FSTL5: variants seen among roughly 807,000 people sequenced by gnomAD.
FSTL5 encodes the protein follistatin-related protein 5.
In FSTL5, 62 loss-of-function variants were observed where a neutral mutation model predicts 89.1. The observed-to-expected ratio is 0.70, with a 90% CI of 0.57 to 0.86. The LOEUF (loss-of-function observed/expected upper bound fraction) is 0.86, where lower values mean the gene tolerates loss of function less well. FSTL5 is among the 40% of genes least tolerant of loss of function. The pLI, the probability that FSTL5 is intolerant of heterozygous loss-of-function variation, is 0.00. For synonymous variants in FSTL5, 383 were observed against 346.2 expected, an observed-to-expected ratio of 1.11 and a Z score of -1.18; for missense variants, 1,057 against 1,001.6, an observed-to-expected ratio of 1.06 and a Z score of -0.75.
chr4:161,888,166 G>A (rs1732874190), intron 4 of FSTL5, among the ~76,000 whole-genome samples: 1 of 152,148 alleles, frequency 6.6e-6, no homozygotes, highest in African/African-American at 2.4e-5. Context: ...AAACTAGACT[G>A]CATTTCCCAG....
intron 4 of FSTL5, among the ~76,000 whole-genome samples, chr4:161,854,874 T>C (rs1402821231): frequency 1.3e-5 from 2 of 152,024 alleles, no homozygotes; most frequent in Non-Finnish European, 2.9e-5. Flanking sequence ...ATTAAAAAGA[T>C]TTTAATAATG....
intron 7 of FSTL5, among the ~76,000 whole-genome samples, chr4:161,619,156 G>T (rs1161943931): frequency 6.6e-6 from 1 of 152,124 alleles, no homozygotes; most frequent in Non-Finnish European, 1.5e-5. Flanking sequence ...GCTGAAACTG[G>T]ATCCCATCCT....
chr4:162,100,923 C>T (rs376176661), intron 2 of FSTL5, among the ~76,000 whole-genome samples: 3 of 152,182 alleles, frequency 2.0e-5, no homozygotes, highest in South Asian at 2.1e-4. Context: ...TGATAACATA[C>T]GAGAGCACGA....
chr4:162,128,012 A>T (rs1732150520), intron 1 of FSTL5, among the ~76,000 whole-genome samples: 1 of 152,204 alleles, frequency 6.6e-6, no homozygotes, highest in South Asian at 2.1e-4. Flanking sequence ...CCAAATAGTT[A>T]ATATGCTAAA....
chr4:161,887,892 A>T (rs1732865198), intron 4 of FSTL5, among the ~76,000 whole-genome samples: 1 of 152,182 alleles, frequency 6.6e-6, no homozygotes, highest in South Asian at 2.1e-4. Flanking sequence ...TTGCCAAGCA[A>T]ATCAGGATTC....
intron 15 of FSTL5, among the ~76,000 whole-genome samples, chr4:161,399,252 CTT>C (rs1004267546): frequency 2.0e-5 from 3 of 152,044 alleles, no homozygotes; most frequent in African/African-American, 4.8e-5. Context: ...CTGCTCATAA[CTT>C]TTCACTCCCC....
chr4:161,646,300 CACTTTA>C (rs981193071), intron 7 of FSTL5, among the ~76,000 whole-genome samples: 4 of 149,462 alleles, frequency 2.7e-5, no homozygotes, highest in South Asian at 2.1e-4. Context: ...CATGTGTATA[CACTTTA>C]ACTTTATACT....
chr4:162,018,557 T>C (rs57706025), intron 3 of FSTL5, among the ~76,000 whole-genome samples: 57,873 of 151,816 alleles, frequency 0.38, 11,262 homozygotes, highest in Middle Eastern at 0.54. Flanking sequence ...CTTTCTTCCT[T>C]CACCATTGTT....
chr4:162,000,928 C>A (rs1736445864), intron 3 of FSTL5, among the ~76,000 whole-genome samples: 1 of 151,986 alleles, frequency 6.6e-6, no homozygotes, highest in South Asian at 2.1e-4. Flanking sequence ...GAAAATTTGC[C>A]AAGGTATTAA....
intron 7 of FSTL5, among the ~76,000 whole-genome samples, chr4:161,592,717 A>G (rs1733867048): frequency 6.6e-6 from 1 of 152,186 alleles, no homozygotes; most frequent in Non-Finnish European, 1.5e-5. Context: ...TATTGTGAAT[A>G]GTGCTGCAAT....
chr4:161,830,911 G>C (rs1730823826), intron 4 of FSTL5, among the ~76,000 whole-genome samples: 1 of 152,080 alleles, frequency 6.6e-6, no homozygotes, highest in African/African-American at 2.4e-5. Context: ...ATAGGATTCT[G>C]CATTGTTATT....
At chr4:161,642,218 G>A (rs920786840) in intron 7 of FSTL5, among the ~76,000 whole-genome samples, 3 of 152,032 alleles carry the variant, frequency 2.0e-5, no homozygotes, top group Non-Finnish European at 4.4e-5. Context: ...TAAATTTTGC[G>A]AAGACACTCT....
intron 3 of FSTL5, among the ~76,000 whole-genome samples, chr4:161,946,405 T>C (rs935000074): frequency 6.6e-6 from 1 of 152,206 alleles, no homozygotes. Flanking sequence ...ATAATTATGT[T>C]TGCCATTATA....
intron 4 of FSTL5, among the ~76,000 whole-genome samples, chr4:161,829,218 C>A (rs987647066): frequency 1.4e-5 from 2 of 147,058 alleles, no homozygotes; most frequent in African/African-American, 2.5e-5. Flanking sequence ...TAAATACATT[C>A]ATCTGAGTGT....
chr4:161,654,835 C>G lies in FSTL5; in HGVS notation c.894+1493G>C, dbSNP rs115174698. Among the ~76,000 whole-genome samples the G allele has an allele frequency of 9.1e-3, 1,386 of 152,162 alleles. 22 individuals are homozygous for G. Among genetic ancestry groups the G allele is most frequent in the African/African-American group, 0.031 (1,305 of 41,550 alleles). On this transcript the variant is annotated intron_variant, in intron 7 of 15. Coordinates refer to ENST00000306100, the MANE Select transcript of FSTL5 (RefSeq NM_020116.5). ...GCCCCACCTCATTTCCACAGATACC[C>G]CATAAGCACACAATTTTTACTTTTC... is the stretch of plus-strand genomic sequence containing the variant.
intron 6 of FSTL5, among the ~76,000 whole-genome samples, chr4:161,713,167 A>G (rs989331271): frequency 2.0e-5 from 3 of 152,212 alleles, no homozygotes; most frequent in African/African-American, 7.2e-5. Context: ...ATTTAAATGA[A>G]TGTCTCCTTT....
intron 10 of FSTL5, among the ~76,000 whole-genome samples, chr4:161,522,795 G>C (rs1380366155): frequency 6.6e-6 from 1 of 151,498 alleles, no homozygotes; most frequent in African/African-American, 2.4e-5. Flanking sequence ...GCTAATAAAA[G>C]TATAAGTGAT....
At chr4:161,751,670 A>G (rs970022000) in intron 6 of FSTL5, among the ~76,000 whole-genome samples, 2 of 151,990 alleles carry the variant, frequency 1.3e-5, no homozygotes, top group African/African-American at 4.8e-5. Flanking sequence ...AGCCTTAACT[A>G]CTTCGGAGGG....
chr4:161,596,926 A>G (rs546480664), intron 7 of FSTL5, among the ~76,000 whole-genome samples: 6 of 152,176 alleles, frequency 3.9e-5, no homozygotes, highest in African/African-American at 1.4e-4. Flanking sequence ...GATTCTGGAT[A>G]TTAGCCCTTT....
Sources: allele counts gnomAD v4.1 joint callset (sites outside exome capture counted in the v4.1 genomes callset), GRCh38; gene constraint gnomAD v4.1.1; transcripts MANE v1.5; gene names NCBI Gene and HGNC (gene_info 2026-07-23, HGNC 2026-07-21).